Variants in MAF observed in about 807,000 individuals in gnomAD.
MAF encodes the protein MAF bZIP transcription factor.
Under a neutral mutation model 22.0 loss-of-function variants are expected in MAF, and 10 were observed. The observed-to-expected ratio is 0.45, with a 90% CI of 0.28 to 0.77. The LOEUF (loss-of-function observed/expected upper bound fraction) is 0.77, where lower values mean the gene tolerates loss of function less well. MAF is among the 30% of genes least tolerant of loss of function. MAF has a pLI of 0.12. For synonymous variants in MAF, 337 were observed against 255.8 expected, an observed-to-expected ratio of 1.32 and a Z score of -3.03; for missense variants, 544 against 548.4, an observed-to-expected ratio of 0.99 and a Z score of 0.08.
chr16:79,231,202 G>A, the MAF span, among the ~76,000 whole-genome samples: 2 of 151,970 alleles, frequency 1.3e-5, no homozygotes, highest in Non-Finnish European at 2.9e-5. Context: ...CTTTGCCAAT[G>A]GGCTCTTATG....
chr16:79,387,464 TG>T, the MAF span, among the ~76,000 whole-genome samples: 1 of 152,156 alleles, frequency 6.6e-6, no homozygotes, highest in Admixed American at 6.5e-5. Context: ...TGAGTCCCAG[TG>T]GGAAGTTATT....
the MAF span, among the ~76,000 whole-genome samples, chr16:79,482,227 GT>G: frequency 6.6e-5 from 10 of 152,204 alleles, no homozygotes. Flanking sequence ...TCATATGACA[GT>G]TTCATTTCCC....
chr16:79,217,474 A>G, the MAF span, among the ~76,000 whole-genome samples: 5 of 152,270 alleles, frequency 3.3e-5, no homozygotes, highest in Middle Eastern at 3.4e-3. Context: ...CTTACAAATC[A>G]TTTTTGTACA....
chr16:79,258,813 C>T, the MAF span, among the ~76,000 whole-genome samples: 1 of 152,166 alleles, frequency 6.6e-6, no homozygotes, highest in East Asian at 1.9e-4. Context: ...AGCCCCCAGC[C>T]CACCCCCAAG....
the MAF span, among the ~76,000 whole-genome samples, chr16:79,501,259 T>C: frequency 2.6e-5 from 4 of 152,212 alleles, no homozygotes; most frequent in Admixed American, 2.6e-4. Flanking sequence ...GATCCTTCTT[T>C]TCCCTCTGTA....
the MAF span, among the ~76,000 whole-genome samples, chr16:79,508,172 G>A: frequency 6.6e-6 from 1 of 152,180 alleles, no homozygotes; most frequent in African/African-American, 2.4e-5. Context: ...CCACTGTGCA[G>A]GGGATAATTC....
At chr16:79,415,714 C>A in the MAF span, among the ~76,000 whole-genome samples, 3 of 151,822 alleles carry the variant, frequency 2.0e-5, no homozygotes, top group Non-Finnish European at 4.4e-5. Context: ...TTAGAAAGGG[C>A]ATGGGCTTTG....
the MAF span, among the ~76,000 whole-genome samples, chr16:79,470,707 G>C: frequency 2.0e-5 from 3 of 152,196 alleles, no homozygotes; most frequent in African/African-American, 7.2e-5. Context: ...CTACAGGAAA[G>C]ACAGCCAGGA....
At chr16:79,365,899 T>C in the MAF span, among the ~76,000 whole-genome samples, 2 of 152,352 alleles carry the variant, frequency 1.3e-5, no homozygotes, top group Admixed American at 6.5e-5. Flanking sequence ...GTTTAGGAAC[T>C]CATTAGTATG....
At chr16:79,392,931 C>A in the MAF span, among the ~76,000 whole-genome samples, 11 of 152,308 alleles carry the variant, frequency 7.2e-5, no homozygotes, top group East Asian at 1.9e-3. Context: ...TGGAGACACC[C>A]CAGTAATGGT....
chr16:79,231,346 T>C, the MAF span, among the ~76,000 whole-genome samples: 5 of 152,102 alleles, frequency 3.3e-5, no homozygotes, highest in African/African-American at 9.7e-5. Flanking sequence ...GAGCTCTTGC[T>C]GCGTTTTAAT....
At chr16:79,445,335 G>C in the MAF span, among the ~76,000 whole-genome samples, 7 of 152,112 alleles carry the variant, frequency 4.6e-5, no homozygotes, top group Non-Finnish European at 1.0e-4. Flanking sequence ...GAGCCACTGC[G>C]CCCGGCCAAC....
chr16:79,450,879 G>C, the MAF span, among the ~76,000 whole-genome samples: 1 of 151,620 alleles, frequency 6.6e-6, no homozygotes, highest in African/African-American at 2.4e-5. Flanking sequence ...CAGCACAGAA[G>C]AAATTAAGAG....
the MAF span, among the ~76,000 whole-genome samples, chr16:79,438,072 G>A: frequency 1.3e-5 from 2 of 152,154 alleles, no homozygotes; most frequent in African/African-American, 4.8e-5. Flanking sequence ...AGAGACGCCA[G>A]GTCTGAGCAG....
chr16:79,299,347 G>GAAAAAAAAA, the MAF span, among the ~76,000 whole-genome samples: 1 of 86,846 alleles, frequency 1.2e-5, no homozygotes, highest in Non-Finnish European at 2.5e-5. Context: ...CAAAGAAAAA[G>GAAAAAAAAA]AAAAAAAAAA....
At chr16:79,218,429 A>G in the MAF span, among the ~76,000 whole-genome samples, 13 of 152,102 alleles carry the variant, frequency 8.5e-5, no homozygotes, top group South Asian at 4.1e-4. Context: ...CCTTCTATCA[A>G]TTGATCTCCT....
chr16:79,360,567 AG>A, the MAF span, among the ~76,000 whole-genome samples: 1 of 152,212 alleles, frequency 6.6e-6, no homozygotes, highest in African/African-American at 2.4e-5. Context: ...CCATAGGCTT[AG>A]GGTAAATAAT....
chr16:79,565,933 G>C, the MAF span, among the ~76,000 whole-genome samples: 2 of 152,150 alleles, frequency 1.3e-5, no homozygotes, highest in Non-Finnish European at 2.9e-5. Flanking sequence ...AAGTCACACA[G>C]CTAGAAACTG....
chr16:79,552,880 A>C, the MAF span, among the ~76,000 whole-genome samples: 1 of 152,220 alleles, frequency 6.6e-6, no homozygotes, highest in Non-Finnish European at 1.5e-5. Context: ...TTCTAATGCC[A>C]TTGCAATCCC....
Sources: allele counts gnomAD v4.1 joint callset (sites outside exome capture counted in the v4.1 genomes callset), GRCh38; gene constraint gnomAD v4.1.1; transcripts MANE v1.5; gene names NCBI Gene and HGNC (gene_info 2026-07-23, HGNC 2026-07-21).